The following SERINC2 variants were observed in gnomAD, a reference collection of about 807,000 sequenced individuals.
The protein encoded by SERINC2 is tumor differentially expressed protein 2.
In SERINC2, 56 loss-of-function variants were observed where a neutral mutation model predicts 54.2. The ratio of observed to expected loss-of-function variants is 1.03; its 90% CI spans 0.83 to 1.29. The LOEUF is 1.29. Ranked by LOEUF, SERINC2 falls within the 50% of genes most tolerant of loss-of-function variation. SERINC2 has a pLI of 0.00. For missense variants in SERINC2, 614 were observed against 607.4 expected (o/e 1.01, Z -0.12); for synonymous variants, 272 against 253.1 (o/e 1.07, Z -0.71).
chr1:31,434,385 G>A lies in SERINC2; in HGVS notation c.*186G>A, dbSNP rs148017439. ...GCCTTCAGGGTCCGAGGAGCATCAG[G>A]CTCCTGCAGAGCCCCATCCCCCCGC... On this transcript the variant is annotated 3_prime_UTR_variant, in exon 10 of 10. Coordinates refer to ENST00000373709, the MANE Select transcript of SERINC2 (RefSeq NM_178865.5). 2,694 of 609,160 alleles carry A rather than the reference G, an allele frequency of 4.4e-3. 14 individuals are homozygous for A. The highest frequency in any genetic ancestry group is 9.3e-3 in the Middle Eastern group (21 of 2,260). The allele number at this position is 609,160 out of a possible 1,614,324, so 37.7% of individuals were successfully genotyped here.
chr1:31,432,444 AT>A (rs1273367721), intron 8 of SERINC2, among the ~76,000 whole-genome samples: 1 of 152,096 alleles, frequency 6.6e-6, no homozygotes, highest in Non-Finnish European at 1.5e-5. Flanking sequence ...TAGTGTAAGC[AT>A]GAAGGAAAGG....
chr1:31,432,659 C>T (rs1641342440), intron 8 of SERINC2, among the ~76,000 whole-genome samples: 1 of 152,130 alleles, frequency 6.6e-6, no homozygotes, highest in South Asian at 2.1e-4. Flanking sequence ...ATATTCTGTG[C>T]CAAGCACTAT....
Position 31,413,748 on chromosome 1 carries a change from G to GCC in SERINC2, c.39+446_39+447dup. 2 of 1,373,290 alleles carry GCC rather than the reference G, an allele frequency of 1.5e-6. No homozygotes were observed. Among genetic ancestry groups the GCC allele is most frequent in the Non-Finnish European group, 9.3e-7 (1 of 1,070,274 alleles). 85.1% of individuals were successfully genotyped at this position (1,373,290 alleles called of 1,614,324 possible). A position where few individuals can be genotyped will look rare whatever the true frequency, so the allele number is the denominator to read the frequency against. Reference sequence around the variant, plus strand: ...CCCCGTCCCTCCTGGCGAGTGCCCTGCCCTACCCCTCTGGCCGCCTGCCAG... The same window carrying GCC: ...CCCCGTCCCTCCTGGCGAGTGCCCTGCCCCCTACCCCTCTGGCCGCCTGCCAG... On this transcript the variant is annotated intron_variant, in intron 1 of 9. Coordinates refer to ENST00000373709, the MANE Select transcript of SERINC2 (RefSeq NM_178865.5). The surrounding 1 kb of genome is among the most constrained non-coding windows in gnomAD (Gnocchi z 5.0).
chr1:31,417,614 G>T (rs1640810920), intron 1 of SERINC2, among the ~76,000 whole-genome samples: 1 of 152,056 alleles, frequency 6.6e-6, no homozygotes, highest in African/African-American at 2.4e-5. Flanking sequence ...ACACTGTTAT[G>T]CAACCATCAC....
upstream of SERINC2, chr1:31,410,374 T>G: frequency 6.5e-7 from 1 of 1,548,628 alleles, no homozygotes; most frequent in Non-Finnish European, 8.7e-7. Flanking sequence ...AAACTTATCT[T>G]TATTTTACAG....
intron 1 of SERINC2, among the ~76,000 whole-genome samples, chr1:31,422,703 T>TG (rs1260446864): frequency 1.3e-5 from 2 of 152,122 alleles, no homozygotes; most frequent in African/African-American, 4.8e-5. Flanking sequence ...AGGGGCTGTT[T>TG]GGGGGAAGAT....
chr1:31,412,303 C>A (rs1167099473), upstream of SERINC2, among the ~76,000 whole-genome samples: 5 of 152,278 alleles, frequency 3.3e-5, no homozygotes, highest in Admixed American at 2.0e-4. Context: ...CCCTGGAAAG[C>A]CATCTGTCAG....
At chr1:31,433,222 T>G (rs782706087) in intron 9 of SERINC2, 37 bp downstream of exon 9, 9 of 1,541,902 alleles carry the variant, frequency 5.8e-6, no homozygotes, top group South Asian at 5.6e-5. Flanking sequence ...AGCCCGGAGG[T>G]GCAGGGTGCA....
Position 31,425,477 on chromosome 1 carries a change from G to A in SERINC2, c.472+68G>A, listed in dbSNP as rs187396832. The stretch of plus-strand genomic sequence containing the variant: ...AAGTGGGGCGGCAGGTTGGAGGAAC[G>A]TGGTGGGGCTGCTCTTTGCTGGGGC... On this transcript the variant is annotated intron_variant, in intron 4 of 9. Transcript: ENST00000373709. 94 of 1,176,758 alleles carry A rather than the reference G, an allele frequency of 8.0e-5. 2 individuals are homozygous for A. The African/African-American group carries it at 1.1e-3, about 14-fold the overall frequency. The allele number at this position is 1,176,758 out of a possible 1,614,324, so 72.9% of individuals were successfully genotyped here.
intron 5 of SERINC2, 132 bp from the exon 6 acceptor site, chr1:31,426,522 C>G: frequency 1.5e-6 from 1 of 668,842 alleles, no homozygotes. Context: ...AAGGCAGTGA[C>G]GTCATTCTTC....
rs1317889931 is a variant in SERINC2, at chr1:31,425,384, C to T, written c.447C>T (p.Tyr149=). 1.9e-6 allele frequency: 3 copies of T among 1,612,954 alleles called. No homozygotes were observed. Among genetic ancestry groups the T allele is most frequent in the Non-Finnish European group, 1.7e-6 (2 of 1,178,924 alleles). Residue 149 remains tyrosine (Y), a synonymous_variant, in exon 4 of 10, where the codon TAC becomes TAT. Transcript: ENST00000373709. ...TGGGCCTCACCGTGGGTGCCTTCTA[C>T]ATTCCTGACGGCTCCTTCACCAACA... The part of the protein sequence containing the change: ...ILVGLTVGAF[Y]IPDGSFTNIW...
chr1:31,434,531 C>T lies in SERINC2; in HGVS notation c.*332C>T, dbSNP rs1641419350. Reference sequence around the variant, plus strand: ...ACGGGAGCGGGGCTGCTGGAGAGAGCGGGGAACTCCCACCACAGTGGGGCA... The same window carrying T: ...ACGGGAGCGGGGCTGCTGGAGAGAGTGGGGAACTCCCACCACAGTGGGGCA... On this transcript the variant is annotated 3_prime_UTR_variant, in exon 10 of 10. Transcript: ENST00000373709. The T allele has an allele frequency of 9.4e-6, 3 of 318,512 alleles. No homozygotes were observed. The highest frequency in any genetic ancestry group is 5.5e-5 in the South Asian group (1 of 18,166). 19.7% of individuals were successfully genotyped at this position (318,512 alleles called of 1,614,324 possible).
intron 8 of SERINC2, among the ~76,000 whole-genome samples, chr1:31,431,786 A>ACAGGG (rs1557499739): frequency 1.0e-4 from 5 of 49,592 alleles, no homozygotes; most frequent in Non-Finnish European, 2.5e-4. Context: ...AATAGGGTGG[A>ACAGGG]TAGGGTGGAT....
At chr1:31,410,579 C>A, upstream of SERINC2, 2 of 1,154,644 alleles carry the variant, frequency 1.7e-6, no homozygotes, top group Non-Finnish European at 1.2e-6. Flanking sequence ...TTTACACATA[C>A]AGTCATCTTA....
At chr1:31,426,202 G>A (rs1287277417) in intron 5 of SERINC2, among the ~76,000 whole-genome samples, 3 of 152,146 alleles carry the variant, frequency 2.0e-5, no homozygotes, top group African/African-American at 7.2e-5. Context: ...CGCCCTTTTG[G>A]TGGTGCCCAG....
In SERINC2 at chr1:31,413,535, C is replaced by CG. The variant is rs1354054635; in HGVS notation, c.39+233dup. Among the ~76,000 whole-genome samples, 4 of 151,946 alleles carry CG rather than the reference C, an allele frequency of 2.6e-5. No individual in the cohort carries two copies. Among genetic ancestry groups the CG allele is most frequent in the Non-Finnish European group, 5.9e-5 (4 of 67,922 alleles). ...GGCAGGCGCCGGGCAGCTGCGGTCC[C>CG]GGCTCGGGTTTCCGCGGGCAGGAGG... On this transcript the variant is annotated intron_variant, in intron 1 of 9. Coordinates refer to ENST00000373709, the MANE Select transcript of SERINC2 (RefSeq NM_178865.5). The surrounding 1 kb of genome is among the most constrained non-coding windows in gnomAD (Gnocchi z 5.0).
rs118023526 is a variant in SERINC2 at position 31,413,533 on chromosome 1, C to T, written c.39+229C>T. Among the ~76,000 whole-genome samples the T allele has an allele frequency of 5.5e-3, 840 of 152,054 alleles. 64 individuals are homozygous for T. In the East Asian group the frequency reaches 0.14, roughly 25 times the overall value. On this transcript the variant is annotated intron_variant, in intron 1 of 9. Transcript: ENST00000373709. This position sits in a 1 kb window ranked among gnomAD's most constrained non-coding sequence, Gnocchi z 5.0. ...CCGGCAGGCGCCGGGCAGCTGCGGT[C>T]CCGGCTCGGGTTTCCGCGGGCAGGA...
rs58793289 is a variant in SERINC2 at position 31,414,703 on chromosome 1, T to C, written c.39+1399T>C. 79 of 985,486 alleles carry C rather than the reference T, an allele frequency of 8.0e-5. No individual in the cohort carries two copies. The African/African-American group carries it at 1.3e-3, about 16-fold the overall frequency. The allele number at this position is 985,486 out of a possible 1,614,324, so 61.0% of individuals were successfully genotyped here. A position where few individuals can be genotyped will look rare whatever the true frequency, so the allele number is the denominator to read the frequency against. On this transcript the variant is annotated intron_variant, in intron 1 of 9. Transcript: ENST00000373709. ...GAATTCAAGGTTTGGGCCAGGTCTC[T>C]GCCAACAAGGGTTTGCTTCCTGGTG... is the stretch of plus-strand genomic sequence containing the variant.
In SERINC2 at chr1:31,432,128, A is replaced by T. The variant is rs868977179; in HGVS notation, c.1014-839A>T. On this transcript the variant is annotated intron_variant, in intron 8 of 9. Coordinates refer to ENST00000373709, the MANE Select transcript of SERINC2 (RefSeq NM_178865.5). ...AGGGTGGATAGGGTGGTTAGGGTGG[A>T]TAGGGTGGACAGGGTGGACAGGGTG... is the stretch of plus-strand genomic sequence containing the variant. 2.7e-3 allele frequency among the ~76,000 whole-genome samples: 251 copies of T among 92,688 alleles called. 3 individuals are homozygous for T. The highest frequency in any genetic ancestry group is 3.0e-3 in the Non-Finnish European group (139 of 46,512). The allele number at this position is 92,688 out of a possible 152,430, so 60.8% of individuals were successfully genotyped here. A position where few individuals can be genotyped will look rare whatever the true frequency, so the allele number is the denominator to read the frequency against.
Sources: allele counts gnomAD v4.1 joint callset (sites outside exome capture counted in the v4.1 genomes callset), GRCh38; gene constraint gnomAD v4.1.1; non-coding constraint Gnocchi (gnomAD v3.1); transcripts MANE v1.5; gene names NCBI Gene and HGNC (gene_info 2026-07-23, HGNC 2026-07-21).